The following RPGR variants were observed in gnomAD, a reference collection of about 807,000 sequenced individuals.
RPGR encodes the protein retinitis pigmentosa GTPase regulator, also known as X-linked retinitis pigmentosa GTPase regulator.
RPGR carries 10 observed loss-of-function variants against 56.3 expected under a neutral mutation model. The ratio of observed to expected loss-of-function variants is 0.18; its 90% CI spans 0.11 to 0.30. The LOEUF (loss-of-function observed/expected upper bound fraction) is 0.30. Among genes scored for constraint, RPGR ranks in the 10% least tolerant of loss-of-function variants. The pLI, the probability that RPGR is intolerant of heterozygous loss-of-function variation, is 1.00. For missense variants in RPGR, 538 were observed against 590.9 expected (o/e 0.91, Z 0.93); for synonymous variants, 197 against 212.9 (o/e 0.93, Z 0.65).
intron 11 of RPGR, 64 bp from the exon 12 acceptor site, chrX:38,291,548 A>G: frequency 1.6e-6 from 1 of 620,123 alleles, no homozygotes; most frequent in Non-Finnish European, 2.7e-6. Context: ...GCAACTGGAC[A>G]GAAAACAGAA....
chrX:38,292,322 A>G (rs909007649), intron 11 of RPGR, among the ~76,000 whole-genome samples: 2 of 112,849 alleles, frequency 1.8e-5, no homozygotes, highest in African/African-American at 6.4e-5. Flanking sequence ...GTAGCAACAG[A>G]TAACTAGTAT....
intron 11 of RPGR, chrX:38,296,092 T>C (rs2067375230): frequency 9.0e-6 from 1 of 111,556 alleles, no homozygotes; most frequent in Non-Finnish European, 1.9e-5. Context: ...GGTGGGCAGA[T>C]CACAAGGTCA....
chrX:38,269,749 T>G lies in RPGR; in HGVS notation c.2325A>C (p.Ile775=), dbSNP rs759644180. 10 of 1,208,863 alleles carry G rather than the reference T, an allele frequency of 8.3e-6. No homozygotes were observed. In the South Asian group the frequency reaches 1.8e-4, roughly 21 times the overall value. Residue 775 remains isoleucine (I), a synonymous_variant, in exon 19 of 19, where the codon ATA becomes ATC. Transcript: ENST00000642395. ...CACTTTTTAAAATGATCTGGTCTCC[T>G]ATGGATTTTATCTCTGGGAGCGGCT...
intron 10 of RPGR, among the ~76,000 whole-genome samples, 165 bp downstream of exon 10, chrX:38,298,791 T>C (rs188646117): frequency 5.3e-5 from 6 of 112,264 alleles, no homozygotes; most frequent in African/African-American, 1.9e-4. Context: ...TTTCTGAATT[T>C]TTCTGAATTA....
At chrX:38,304,511 A>T (rs1200896084) in intron 8 of RPGR, 124 bp downstream of exon 8, 1 of 530,423 alleles carries the variant, frequency 1.9e-6, no homozygotes, top group African/African-American at 2.4e-5. Flanking sequence ...GTAAACATGG[A>T]ATTCCATTTT....
chrX:38,293,612 T>C lies in RPGR; in HGVS notation c.1415-2128A>G, dbSNP rs764693387. On this transcript the variant is annotated intron_variant, in intron 11 of 18. Coordinates refer to ENST00000642395, the MANE Select transcript of RPGR (RefSeq NM_000328.3). ...GATAGACTGGAGAAGGCAGAGAATA[T>C]AGGTTTGGAAAATACATAGCAGATT... Among the ~76,000 whole-genome samples, 163 of 112,059 alleles carry C rather than the reference T, an allele frequency of 1.5e-3. 2 individuals carry two copies. The highest frequency in any genetic ancestry group is 3.0e-4 in the Non-Finnish European group (16 of 53,170).
chrX:38,304,768 C>A lies in RPGR; in HGVS notation c.801G>T (p.Gly267=), dbSNP rs1399302740. 2.5e-6 allele frequency: 3 copies of A among 1,208,132 alleles called. No individual in the cohort carries two copies. In the African/African-American group the frequency reaches 5.3e-5, roughly 21 times the overall value. The change falls in exon 8 of 19, where the codon GGG becomes GGT. Residue 267 remains glycine, a synonymous_variant. Transcript: ENST00000642395. ...GACCCAGCTGACCAAATTGTCCCAG[C>A]CCAAAGGTATACACAGCATTCTCTG...
chrX:38,305,071 A>G (rs369487163), intron 7 of RPGR, among the ~76,000 whole-genome samples: 2 of 112,057 alleles, frequency 1.8e-5, no homozygotes, highest in Admixed American at 9.5e-5. Flanking sequence ...TACAAGGCAC[A>G]TAAGTCAGGG....
chrX:38,306,143 ACT>A (rs910239458), intron 7 of RPGR, among the ~76,000 whole-genome samples: 2 of 111,967 alleles, frequency 1.8e-5, no homozygotes, highest in African/African-American at 6.5e-5. Flanking sequence ...TCCTTAGTAC[ACT>A]GAGTTTTGTA....
intron 8 of RPGR, among the ~76,000 whole-genome samples, chrX:38,301,586 C>T (rs748557180): frequency 9.0e-6 from 1 of 110,868 alleles, no homozygotes; most frequent in South Asian, 3.9e-4. Flanking sequence ...ATCAATTAAC[C>T]TTGGTGGTTT....
chrX:38,283,773 T>C (rs951289075), intron 15 of RPGR, among the ~76,000 whole-genome samples: 3 of 112,304 alleles, frequency 2.7e-5, no homozygotes, highest in African/African-American at 9.7e-5. Context: ...TGAATGCTCA[T>C]AGCTATTACA....
chrX:38,281,200 A>T (rs1490676844), intron 15 of RPGR, among the ~76,000 whole-genome samples: 1 of 112,212 alleles, frequency 8.9e-6, no homozygotes, highest in Admixed American at 9.4e-5. Flanking sequence ...TCCTTAGAAG[A>T]TTTTCTTGTT....
intron 18 of RPGR, among the ~76,000 whole-genome samples, chrX:38,273,124 C>T (rs1206094221): frequency 9.0e-6 from 1 of 111,420 alleles, no homozygotes; most frequent in Non-Finnish European, 1.9e-5. Context: ...ATGTCAAAGA[C>T]AAAATCCAGC....
intron 8 of RPGR, chrX:38,303,561 G>A: frequency 3.8e-6 from 1 of 265,946 alleles, no homozygotes; most frequent in Non-Finnish European, 6.6e-6. Flanking sequence ...AGTGACATTA[G>A]GACCCTATAG....
chrX:38,269,815 T>C lies in RPGR; in HGVS notation c.2259A>G (p.Arg753=). Reference sequence around the variant, plus strand: ...CAATCTTTTGATTTATTGAGGGGACTCTTTTGAACAGAAAAATCTAGGAAA... The same window carrying C: ...CAATCTTTTGATTTATTGAGGGGACCCTTTTGAACAGAAAAATCTAGGAAA... The change falls in exon 19 of 19, where the codon AGA becomes AGG. Residue 753 remains arginine (R), a synonymous_variant. Coordinates refer to ENST00000642395, the MANE Select transcript of RPGR (RefSeq NM_000328.3). 6 of 1,201,443 alleles carry C rather than the reference T, an allele frequency of 5.0e-6. No homozygotes were observed. The highest frequency in any genetic ancestry group is 6.8e-6 in the Non-Finnish European group (6 of 887,476).
At position 38,269,722 on chromosome X, in the gene RPGR, A is replaced by T; in HGVS notation, c.2352T>A (p.Asp784Glu). Reference sequence around the variant, plus strand: ...TGTGGTTCTGGTCGGCATCTTTATTATCACTTTTTAAAATGATCTGGTCTC... The same window carrying T: ...TGTGGTTCTGGTCGGCATCTTTATTTTCACTTTTTAAAATGATCTGGTCTC... Residue 784 changes from aspartate (D) to glutamate (E), a missense_variant, in exon 19 of 19, where the codon GAT (aspartate) becomes GAA (glutamate). This residue lies in a region of RPGR where 357 missense variants were observed against 325.8 expected (regional missense o/e 1.10). Transcript: ENST00000642395. 1.7e-6 allele frequency: 2 copies of T among 1,207,727 alleles called. No individual in the cohort carries two copies. The highest frequency in any genetic ancestry group is 2.2e-6 in the Non-Finnish European group (2 of 892,071).
Position 38,299,096 on chromosome X carries a change from G to A in RPGR, c.1105C>T (p.Arg369Cys), listed in dbSNP as rs768571911. 41 of 1,209,701 alleles carry A rather than the reference G, an allele frequency of 3.4e-5. No individual in the cohort carries two copies. The highest frequency in any genetic ancestry group is 1.3e-4 in the Admixed American group (6 of 45,682). The change falls in exon 10 of 19, where the codon CGT (arginine) becomes TGT (cysteine). Residue 369 changes from arginine (R) to cysteine (C), a missense_variant. Around this residue, in one of 2 missense-constraint regions of RPGR, gnomAD observed 357 missense variants for 325.8 expected, o/e 1.10. Coordinates refer to ENST00000642395, the MANE Select transcript of RPGR (RefSeq NM_000328.3). ...AATTCAATTTCTTTTGCCACACCACGATGAGGAGCAGCAAAAACTACCATG... is the reference window on the plus strand; with the variant it reads ...AATTCAATTTCTTTTGCCACACCACAATGAGGAGCAGCAAAAACTACCATG...
rs747432770 is a variant in RPGR at position 38,322,089 on chromosome X, T to C, written c.247+764A>G. Among the ~76,000 whole-genome samples, 4 of 111,989 alleles carry C rather than the reference T, an allele frequency of 3.6e-5. No homozygotes were observed. The South Asian group carries it at 1.5e-3, about 42-fold the overall frequency. On this transcript the variant is annotated intron_variant, in intron 3 of 18. Coordinates refer to ENST00000642395, the MANE Select transcript of RPGR (RefSeq NM_000328.3). ...AATACTTTTTGAACACATGGAATACTTTAAAAGTTCCATAACAATTCCCAT... is the reference window on the plus strand; with the variant it reads ...AATACTTTTTGAACACATGGAATACCTTAAAAGTTCCATAACAATTCCCAT...
chrX:38,327,197 G>T (rs1601994713), intron 1 of RPGR, 143 bp downstream of exon 1: 1 of 550,247 alleles, frequency 1.8e-6, no homozygotes, highest in African/African-American at 2.4e-5. Flanking sequence ...TCAGTCATTC[G>T]CGGGAGCGCA....
Sources: allele counts gnomAD v4.1 joint callset (sites outside exome capture counted in the v4.1 genomes callset), GRCh38; gene constraint gnomAD v4.1.1; regional missense constraint gnomAD v4.1.1; transcripts MANE v1.5; gene names NCBI Gene and HGNC (gene_info 2026-07-23, HGNC 2026-07-21).